The following PCDHA6 variants were observed in gnomAD, a reference collection of about 807,000 sequenced individuals.
PCDHA6 encodes protocadherin alpha 6, also known as protocadherin alpha-6.
In PCDHA6, 55 loss-of-function variants were observed where a neutral mutation model predicts 60.3. The observed-to-expected ratio is 0.91, with a 90% CI of 0.73 to 1.14. The LOEUF is 1.14. Among genes scored for constraint, PCDHA6 ranks in the 50% most tolerant of loss-of-function variants. The pLI is 0.00. For synonymous variants in PCDHA6, 652 were observed against 557.9 expected (o/e 1.17, Z -2.38); for missense variants, 1,327 against 1,256.5 (o/e 1.06, Z -0.85).
At chr5:140,927,290 T>C in intron 1 of PCDHA6, 1 of 1,614,054 alleles carries the variant, frequency 6.2e-7, no homozygotes, top group South Asian at 1.1e-5. Flanking sequence ...CAGCTGCACA[T>C]CCCCGAGTTC....
chr5:140,927,137 A>T, intron 1 of PCDHA6: 1 of 1,614,052 alleles, frequency 6.2e-7, no homozygotes, highest in Non-Finnish European at 8.5e-7. Context: ...GAGCCGGCGG[A>T]CCGCGAACAG....
intron 1 of PCDHA6, chr5:140,870,868 G>C (rs550915753): frequency 1.2e-6 from 2 of 1,613,944 alleles, no homozygotes; most frequent in Non-Finnish European, 1.7e-6. Context: ...TGCGGGCCAC[G>C]TGGTGGCGAA....
chr5:140,843,417 A>G, intron 1 of PCDHA6: 1 of 1,595,970 alleles, frequency 6.3e-7, no homozygotes, highest in South Asian at 1.1e-5. Context: ...GTCAACGTGT[A>G]CCTGATCATC....
chr5:140,948,637 T>C (rs2094284946), intron 1 of PCDHA6, among the ~76,000 whole-genome samples: 1 of 151,712 alleles, frequency 6.6e-6, no homozygotes, highest in Non-Finnish European at 1.5e-5. Context: ...TATTCTCTCA[T>C]CTTTTAACGT....
chr5:140,926,034 G>A (rs782564671), intron 1 of PCDHA6, among the ~76,000 whole-genome samples: 1 of 152,158 alleles, frequency 6.6e-6, no homozygotes, highest in Non-Finnish European at 1.5e-5. Context: ...GTTTGATGCG[G>A]ACACTATTCC....
intron 2 of PCDHA6, among the ~76,000 whole-genome samples, chr5:140,979,725 G>A (rs2096861699): frequency 6.6e-6 from 1 of 152,136 alleles, no homozygotes; most frequent in South Asian, 2.1e-4. Context: ...CCATGCCATG[G>A]GGCCAAATAA....
chr5:140,943,333 T>C (rs1337058167), intron 1 of PCDHA6, among the ~76,000 whole-genome samples: 1 of 150,974 alleles, frequency 6.6e-6, no homozygotes, highest in East Asian at 1.9e-4. Flanking sequence ...GTAGTATCCA[T>C]TGGACAGGAT....
intron 1 of PCDHA6, among the ~76,000 whole-genome samples, chr5:140,902,203 C>CTTTTTTT (rs148688132): frequency 6.4e-5 from 8 of 124,436 alleles, no homozygotes; most frequent in African/African-American, 9.3e-5. Flanking sequence ...CTCTCTCTTT[C>CTTTTTTT]TTTTTTTTTT....
intron 1 of PCDHA6, among the ~76,000 whole-genome samples, chr5:140,855,548 C>T (rs1345944772): frequency 1.3e-5 from 2 of 149,752 alleles, no homozygotes; most frequent in Non-Finnish European, 3.0e-5. Flanking sequence ...AGTGTCAGAA[C>T]TTAAATGGAA....
At chr5:140,909,851 G>A (rs555110598) in intron 1 of PCDHA6, among the ~76,000 whole-genome samples, 17 of 152,228 alleles carry the variant, frequency 1.1e-4, no homozygotes, top group East Asian at 3.9e-4. Flanking sequence ...GGACGTTTTC[G>A]GTCCCCTGGA....
At chr5:140,872,432 G>T (rs2053660736) in intron 1 of PCDHA6, among the ~76,000 whole-genome samples, 1 of 152,026 alleles carries the variant, frequency 6.6e-6, no homozygotes, top group Non-Finnish European at 1.5e-5. Context: ...TTCGAGGCCT[G>T]CCTGGACAAC....
chr5:140,992,216 C>G (rs1554252754), intron 3 of PCDHA6, among the ~76,000 whole-genome samples: 1 of 152,100 alleles, frequency 6.6e-6, no homozygotes, highest in African/African-American at 2.4e-5. Flanking sequence ...AAACTACTCT[C>G]CCTTCCTGGG....
intron 1 of PCDHA6, among the ~76,000 whole-genome samples, chr5:140,962,688 G>C (rs1433931568): frequency 2.0e-5 from 3 of 152,164 alleles, no homozygotes; most frequent in African/African-American, 7.2e-5. Context: ...TGTTTTATCT[G>C]TAAATAATGC....
rs1771011399 is a variant in PCDHA6 at position 140,830,347 on chromosome 5, G to T, written c.2256G>T (p.Gln752His). ...CAGTGGGGAGCTGGTCGTACTCGCA[G>T]CAGAGGCGGCAGAGGGTGTGCTCCG... Reference protein sequence around the residue: ...SSAVGSWSYSQQRRQRVCSGE... With the variant: ...SSAVGSWSYSHQRRQRVCSGE... Residue 752 changes from glutamine (Q) to histidine (H), a missense_variant, in exon 1 of 4, where the codon CAG (glutamine) becomes CAT (histidine). Physicochemically the swap from Gln to His is conservative, Grantham distance 24. Coordinates refer to ENST00000529310, the MANE Select transcript of PCDHA6 (RefSeq NM_018909.4). The T allele has an allele frequency of 6.2e-7, 1 of 1,613,982 alleles. No individual in the cohort carries two copies. The highest frequency in any genetic ancestry group is 1.3e-5 in the African/African-American group (1 of 74,928).
At chr5:140,835,553 G>A in intron 1 of PCDHA6, 2 of 1,613,872 alleles carry the variant, frequency 1.2e-6, no homozygotes, top group Admixed American at 1.7e-5. Flanking sequence ...GCTCCCTGAC[G>A]CCCCGCGTTC....
intron 1 of PCDHA6, chr5:140,869,076 C>G (rs367613564): frequency 6.3e-7 from 1 of 1,577,934 alleles, no homozygotes; most frequent in South Asian, 1.2e-5. Flanking sequence ...TGTAAAGAAG[C>G]TTATTTTGGA....
intron 1 of PCDHA6, chr5:140,966,508 A>G (rs1288054154): frequency 9.2e-6 from 4 of 434,452 alleles, no homozygotes; most frequent in African/African-American, 4.1e-5. Context: ...TAGCGGCAGC[A>G]GCAGCAGGAA....
chr5:140,844,476 CTA>C (rs2150371659), intron 1 of PCDHA6, among the ~76,000 whole-genome samples: 3,169 of 149,252 alleles, frequency 0.021, 219 homozygotes, highest in African/African-American at 0.04. Context: ...TTTTGAGCCT[CTA>C]TGTTTAGGAA....
chr5:141,010,321 G>A lies in PCDHA6; in HGVS notation c.*384G>A. The A allele has an allele frequency of 1.3e-6, 2 of 1,541,244 alleles. No individual in the cohort carries two copies. Among genetic ancestry groups the A allele is most frequent in the South Asian group, 1.2e-5 (1 of 82,726 alleles). On this transcript the variant is annotated 3_prime_UTR_variant, in exon 4 of 4. Transcript: ENST00000529310. ...GGCTGAAAAGTTTTGAGATTGAGCA[G>A]CTTGGGAGTTTGTGGCCACTGGGTA...
Sources: allele counts gnomAD v4.1 joint callset (sites outside exome capture counted in the v4.1 genomes callset), GRCh38; gene constraint gnomAD v4.1.1; transcripts MANE v1.5; gene names NCBI Gene and HGNC (gene_info 2026-07-23, HGNC 2026-07-21).